The following TRPC7 variants were observed in gnomAD, a reference collection of about 807,000 sequenced individuals.
TRPC7 encodes the protein short transient receptor potential channel 7.
In TRPC7, 42 loss-of-function variants were observed where a neutral mutation model predicts 90.1. The observed-to-expected ratio is 0.47, with a 90% CI of 0.36 to 0.60. The LOEUF (loss-of-function observed/expected upper bound fraction) is 0.60, where lower values mean the gene tolerates loss of function less well. TRPC7 is among the 20% of genes least tolerant of loss of function. The pLI is 0.00. For synonymous variants in TRPC7, 451 were observed against 436.3 expected, an observed-to-expected ratio of 1.03 and a Z score of -0.42; for missense variants, 955 against 1,112.3, an observed-to-expected ratio of 0.86 and a Z score of 2.01.
intron 2 of TRPC7, among the ~76,000 whole-genome samples, chr5:136,351,194 G>T (rs558363646): frequency 6.6e-6 from 1 of 152,166 alleles, no homozygotes; most frequent in Non-Finnish European, 1.5e-5. Context: ...ATGTGGAACC[G>T]TGGATAGATA....
chr5:136,277,642 A>G (rs1177542160), intron 3 of TRPC7, among the ~76,000 whole-genome samples: 1 of 152,222 alleles, frequency 6.6e-6, no homozygotes, highest in African/African-American at 2.4e-5. Flanking sequence ...AAAGGCAGGA[A>G]GAACTCGGGG....
intron 2 of TRPC7, among the ~76,000 whole-genome samples, chr5:136,351,844 G>T (rs1299088033): frequency 6.6e-6 from 1 of 152,122 alleles, no homozygotes; most frequent in Non-Finnish European, 1.5e-5. Flanking sequence ...TAAAATGATA[G>T]CACAAACATT....
chr5:136,279,984 C>A (rs181217350), intron 3 of TRPC7, among the ~76,000 whole-genome samples: 1 of 151,770 alleles, frequency 6.6e-6, no homozygotes, highest in Admixed American at 6.6e-5. Context: ...GAAACCCCAT[C>A]TCTACTGAAA....
At chr5:136,315,804 G>T (rs543743742) in intron 2 of TRPC7, 25 bp from the exon 3 acceptor site, 1 of 1,605,260 alleles carries the variant, frequency 6.2e-7, no homozygotes, top group East Asian at 2.2e-5. Context: ...AGAAATCAGC[G>T]GTATGTCACA....
intron 2 of TRPC7, among the ~76,000 whole-genome samples, chr5:136,333,666 G>T (rs1000527200): frequency 6.6e-6 from 1 of 152,186 alleles, no homozygotes; most frequent in Non-Finnish European, 1.5e-5. Flanking sequence ...AAGCGCAGTG[G>T]TGGTAAGGAT....
chr5:136,250,336 T>C (rs1006872593), intron 6 of TRPC7, among the ~76,000 whole-genome samples: 3 of 152,256 alleles, frequency 2.0e-5, no homozygotes, highest in Admixed American at 6.5e-5. Context: ...TTGTTGTACC[T>C]GACCACAGAA....
chr5:136,338,925 T>C (rs756006465), intron 2 of TRPC7, among the ~76,000 whole-genome samples: 38 of 152,226 alleles, frequency 2.5e-4, no homozygotes, highest in Middle Eastern at 3.4e-3. Context: ...ACCACAAAGA[T>C]AAATGAAAAA....
chr5:136,267,119 C>A (rs1757059141), intron 4 of TRPC7, among the ~76,000 whole-genome samples: 1 of 152,124 alleles, frequency 6.6e-6, no homozygotes, highest in South Asian at 2.1e-4. Flanking sequence ...TTCTAAAATT[C>A]ATTGAGGTTT....
chr5:136,291,999 C>T (rs1243662929), intron 3 of TRPC7, among the ~76,000 whole-genome samples: 16 of 152,132 alleles, frequency 1.1e-4, no homozygotes, highest in East Asian at 1.9e-4. Flanking sequence ...CACTCAAAAC[C>T]GCTCAACTAC....
At position 136,243,873 on chromosome 5, in the gene TRPC7, C is replaced by T. The variant is rs566102712; in HGVS notation, c.1844+3598G>A. Among the ~76,000 whole-genome samples the T allele has an allele frequency of 2.6e-5, 4 of 152,248 alleles. No individual in the cohort carries two copies. The South Asian group carries it at 8.3e-4, about 32-fold the overall frequency. On this transcript the variant is annotated intron_variant, in intron 7 of 11. Transcript: ENST00000513104. The stretch of plus-strand genomic sequence containing the variant: ...ACTGCCACGGCGATAAATCTCCCAT[C>T]CTTTCTTCACTGTGCTTGCCGCCTC...
chr5:136,243,503 G>A (rs1473233867), intron 7 of TRPC7, among the ~76,000 whole-genome samples: 2 of 152,106 alleles, frequency 1.3e-5, no homozygotes, highest in African/African-American at 4.8e-5. Flanking sequence ...TCACCTGTGG[G>A]TGGGTCAAAG....
intron 3 of TRPC7, among the ~76,000 whole-genome samples, chr5:136,289,990 C>T (rs190720785): frequency 3.9e-5 from 6 of 152,294 alleles, no homozygotes; most frequent in East Asian, 3.9e-4. Context: ...TCACCAATAT[C>T]AGCTGTTCTG....
intron 7 of TRPC7, among the ~76,000 whole-genome samples, chr5:136,240,198 C>G (rs2149800865): frequency 6.6e-6 from 1 of 152,320 alleles, no homozygotes; most frequent in South Asian, 2.1e-4. Context: ...CCCTTCCAGT[C>G]ATCCTCCCAA....
At chr5:136,271,896 G>A (rs1297088099) in intron 4 of TRPC7, among the ~76,000 whole-genome samples, 5 of 152,140 alleles carry the variant, frequency 3.3e-5, no homozygotes, top group African/African-American at 1.2e-4. Context: ...TATAAAAATA[G>A]AATTGACAGC....
At chr5:136,324,070 A>T (rs1209348149) in intron 2 of TRPC7, among the ~76,000 whole-genome samples, 2 of 152,080 alleles carry the variant, frequency 1.3e-5, no homozygotes, top group African/African-American at 4.8e-5. Flanking sequence ...TTTTTCAGCT[A>T]TTGGAAATAT....
chr5:136,343,854 G>A (rs1173167295), intron 2 of TRPC7, among the ~76,000 whole-genome samples: 2 of 152,052 alleles, frequency 1.3e-5, no homozygotes, highest in Non-Finnish European at 2.9e-5. Context: ...AATACATAAA[G>A]AACACTTGCA....
In TRPC7 at chr5:136,237,639, T is replaced by C. The variant is rs145782328; in HGVS notation, c.1845-6090A>G. ...CCTCATCTCTCTGTGCTGCTTTGTT[T>C]CTGGCTGTAAAATGGGAAAACAGTA... On this transcript the variant is annotated intron_variant, in intron 7 of 11. Coordinates refer to ENST00000513104, the MANE Select transcript of TRPC7 (RefSeq NM_020389.3). 1.9e-3 allele frequency among the ~76,000 whole-genome samples: 290 copies of C among 152,326 alleles called. 1 individual carries two copies. Among genetic ancestry groups the C allele is most frequent in the African/African-American group, 6.4e-3 (267 of 41,560 alleles).
chr5:136,274,847 C>A lies in TRPC7; in HGVS notation c.964-10G>T, dbSNP rs761397229. The A allele has an allele frequency of 4.5e-6, 7 of 1,552,956 alleles. No homozygotes were observed. In the African/African-American group the frequency reaches 9.6e-5, roughly 21 times the overall value. ...TAGGATGAGCAACGAACTGTAAAAA[C>A]AAAACAAAAACAAAAACAAAACGCA... On this transcript the variant is annotated splice_polypyrimidine_tract_variant and intron_variant, in intron 3 of 11. Transcript: ENST00000513104.
rs115823179 is a variant in TRPC7 at position 136,365,531 on chromosome 5, C to T, written c.-277G>A. The T allele has an allele frequency of 1.8e-6, 1 of 556,284 alleles. No individual in the cohort carries two copies. The highest frequency in any genetic ancestry group is 1.9e-5 in the African/African-American group (1 of 53,400). 34.5% of individuals were successfully genotyped at this position (556,284 alleles called of 1,614,324 possible). On this transcript the variant is annotated 5_prime_UTR_variant, in exon 1 of 12. An upstream start codon of the reference 5' UTR is lost. Coordinates refer to ENST00000513104, the MANE Select transcript of TRPC7 (RefSeq NM_020389.3). ...TTTCCCAGAGAACATGACGGAGAAG[C>T]ATCTGTGTGAGAGTGGCATGCGGCG...
Sources: gnomAD v4.1 joint callset for allele counts (sites outside exome capture counted in the v4.1 genomes callset) on GRCh38, gnomAD v4.1.1 for gene constraint, MANE v1.5 for transcripts, NCBI Gene and HGNC (gene_info 2026-07-23, HGNC 2026-07-21) for gene names.